The following GSE1 variants were observed in gnomAD, a reference collection of about 807,000 sequenced individuals.
The protein encoded by GSE1 is genetic suppressor element 1.
A neutral mutation model predicts 112.6 loss-of-function variants in GSE1; 32 were observed. That is an observed-to-expected ratio of 0.28 (90% CI 0.21 to 0.38). GSE1 has a LOEUF of 0.38. Among genes scored for constraint, GSE1 ranks in the 10% least tolerant of loss-of-function variants. The pLI is 1.00. For missense variants in GSE1, 2,348 were observed against 1,699.2 expected (o/e 1.38, Z -6.71); for synonymous variants, 1,115 against 735.6 (o/e 1.52, Z -8.35).
At chr16:85,205,929 T>C (rs1276401391) in intron 1 of GSE1, among the ~76,000 whole-genome samples, 1 of 152,178 alleles carries the variant, frequency 6.6e-6, no homozygotes, top group Non-Finnish European at 1.5e-5. Context: ...AAACGTGGTG[T>C]GCAAAGCCAG....
chr16:85,431,074 C>CG (rs11414934), intron 2 of GSE1, among the ~76,000 whole-genome samples: 83,170 of 150,198 alleles, frequency 0.55, 24,708 homozygotes, highest in Non-Finnish European at 0.67. Context: ...GCCACTGCCT[C>CG]GGGGGGCGGA....
intron 1 of GSE1, among the ~76,000 whole-genome samples, chr16:85,355,414 A>G (rs2046931728): frequency 6.6e-6 from 1 of 152,124 alleles, no homozygotes; most frequent in South Asian, 2.1e-4. Flanking sequence ...TCCCACACCC[A>G]GGGCTCTGAA....
chr16:85,173,631 C>T (rs141965437), intron 1 of GSE1, among the ~76,000 whole-genome samples: 126 of 152,344 alleles, frequency 8.3e-4, no homozygotes, highest in Non-Finnish European at 1.5e-3. Flanking sequence ...TGCAAATCCT[C>T]AAACACAGGG....
chr16:85,657,354 A>C lies in GSE1; in HGVS notation c.1390A>C (p.Thr464Pro). The C allele has an allele frequency of 6.2e-7, 1 of 1,611,018 alleles. No homozygotes were observed. The highest frequency in any genetic ancestry group is 2.2e-5 in the East Asian group (1 of 44,686). Reference sequence around the variant, plus strand: ...GCATCCGGTGCCCACCCCACACCACACGGTGCCCAGCCTCATCTCCAACCA... The same window carrying C: ...GCATCCGGTGCCCACCCCACACCACCCGGTGCCCAGCCTCATCTCCAACCA... ...PLHPVPTPHHTVPSLISNHGI... is the reference protein window; with the variant it reads ...PLHPVPTPHHPVPSLISNHGI... Residue 464 changes from threonine to proline, a missense_variant, in exon 8 of 16, where the codon ACG becomes CCG. Transcript: ENST00000253458.
At chr16:85,229,157 A>T (rs115067243) in intron 1 of GSE1, among the ~76,000 whole-genome samples, 2,887 of 152,274 alleles carry the variant, frequency 0.019, 98 homozygotes, top group African/African-American at 0.065. Context: ...ACCTAAGAGG[A>T]CGCCCCCCTT....
intron 1 of GSE1, among the ~76,000 whole-genome samples, chr16:85,262,022 G>A (rs941474676): frequency 1.3e-5 from 2 of 152,132 alleles, no homozygotes; most frequent in African/African-American, 4.8e-5. Flanking sequence ...CAGGTGAGGT[G>A]ACTTGCCCCA....
At chr16:85,321,707 G>C (rs865908293) in intron 1 of GSE1, among the ~76,000 whole-genome samples, 55 of 151,948 alleles carry the variant, frequency 3.6e-4, no homozygotes, top group African/African-American at 1.0e-3. Context: ...CCAGCTACTT[G>C]GGTGGCTGAG....
chr16:85,378,380 CA>C (rs1435034374), intron 2 of GSE1, among the ~76,000 whole-genome samples: 1 of 152,158 alleles, frequency 6.6e-6, no homozygotes, highest in Non-Finnish European at 1.5e-5. Flanking sequence ...AGGAGGCAGT[CA>C]GGGGTCCCAG....
intron 8 of GSE1, 137 bp from the exon 9 acceptor site, chr16:85,661,009 C>T (rs1337883357): frequency 1.2e-5 from 8 of 679,068 alleles, no homozygotes; most frequent in South Asian, 2.1e-5. Context: ...GTGTCCCCTC[C>T]CTGCAGCCCT....
intron 2 of GSE1, among the ~76,000 whole-genome samples, chr16:85,409,331 A>G (rs374656487): frequency 2.3e-4 from 8 of 34,758 alleles, no homozygotes; most frequent in Non-Finnish European, 2.7e-4. Flanking sequence ...CCTCACTGTT[A>G]CACTCAGGGC....
intron 2 of GSE1, among the ~76,000 whole-genome samples, chr16:85,515,958 G>C (rs751782566): frequency 6.6e-6 from 1 of 152,190 alleles, no homozygotes; most frequent in Admixed American, 6.5e-5. Flanking sequence ...GCACACGTTG[G>C]GCAGGGGGCA....
At chr16:85,381,874 A>T (rs2151622235) in intron 2 of GSE1, among the ~76,000 whole-genome samples, 1 of 152,342 alleles carries the variant, frequency 6.6e-6, no homozygotes, top group Middle Eastern at 3.4e-3. Context: ...TCTCCCTGTC[A>T]GGGTCCCCTG....
upstream of GSE1, chr16:85,611,543 T>C (rs1252710521): frequency 2.2e-6 from 2 of 910,838 alleles, no homozygotes; most frequent in Non-Finnish European, 2.6e-6. Flanking sequence ...TAGGAGCCAG[T>C]AACGGCCCGA....
At chr16:85,281,290 A>G (rs1489518866) in intron 1 of GSE1, among the ~76,000 whole-genome samples, 1 of 151,988 alleles carries the variant, frequency 6.6e-6, no homozygotes, top group Non-Finnish European at 1.5e-5. Context: ...GACAGCAGGC[A>G]GGTGACGGCT....
intron 1 of GSE1, among the ~76,000 whole-genome samples, chr16:85,616,516 G>A (rs375397729): frequency 1.8e-4 from 28 of 152,306 alleles, no homozygotes; most frequent in Non-Finnish European, 3.2e-4. Flanking sequence ...GACCCTCTCT[G>A]GGTAGCCTGT....
intron 1 of GSE1, among the ~76,000 whole-genome samples, chr16:85,347,029 G>A (rs542260274): frequency 6.6e-6 from 1 of 152,308 alleles, no homozygotes; most frequent in Non-Finnish European, 1.5e-5. Flanking sequence ...TAGATGTCAC[G>A]TGACAGGGTC....
intron 1 of GSE1, among the ~76,000 whole-genome samples, chr16:85,324,509 CAAAAAAAA>C (rs58493568): frequency 3.3e-4 from 32 of 98,098 alleles, no homozygotes; most frequent in Non-Finnish European, 6.1e-4. Flanking sequence ...GACTCCCTCT[CAAAAAAAA>C]AAAAAAAAAG....
intron 1 of GSE1, among the ~76,000 whole-genome samples, chr16:85,219,272 C>T (rs1019719840): frequency 6.6e-6 from 1 of 152,254 alleles, no homozygotes; most frequent in South Asian, 2.1e-4. Flanking sequence ...CCTTGGCCTC[C>T]GAAAGTGCTG....
intron 13 of GSE1, 31 bp downstream of exon 13, chr16:85,666,378 T>G: frequency 6.2e-7 from 1 of 1,611,756 alleles, no homozygotes; most frequent in South Asian, 1.1e-5. Context: ...TGCTCAGCTC[T>G]CGGCTGTGGT....
Sources: gnomAD v4.1 joint callset for allele counts (sites outside exome capture counted in the v4.1 genomes callset) on GRCh38, gnomAD v4.1.1 for gene constraint, MANE v1.5 for transcripts, NCBI Gene and HGNC (gene_info 2026-07-23, HGNC 2026-07-21) for gene names.